RIPOR3: variants seen among roughly 807,000 people sequenced by gnomAD.
RIPOR3 encodes the protein family with sequence similarity 65 member C.
A neutral mutation model predicts 114.3 loss-of-function variants in RIPOR3; 95 were observed. That is an observed-to-expected ratio of 0.83 (90% confidence interval 0.70 to 0.99). RIPOR3 has a LOEUF of 0.99. RIPOR3 is among the 50% of genes least tolerant of loss of function. The pLI is 0.00. For synonymous variants in RIPOR3, 575 were observed against 543.8 expected (o/e 1.06, Z -0.80); for missense variants, 1,252 against 1,266.9 (o/e 0.99, Z 0.18).
intron 1 of RIPOR3, among the ~76,000 whole-genome samples, chr20:50,679,687 T>G (rs1267074861): frequency 6.7e-6 from 1 of 149,116 alleles, no homozygotes; most frequent in Non-Finnish European, 1.5e-5. Context: ...GAGAATCACT[T>G]GAACCTGGGA....
At chr20:50,606,524 G>C (rs996463968) in intron 11 of RIPOR3, among the ~76,000 whole-genome samples, 1 of 152,134 alleles carries the variant, frequency 6.6e-6, no homozygotes, top group Non-Finnish European at 1.5e-5. Context: ...TGTATGGATG[G>C]GCCGCTGGCG....
chr20:50,615,971 T>A (rs1367444460), intron 4 of RIPOR3, 31 bp downstream of exon 4: 4 of 1,586,968 alleles, frequency 2.5e-6, no homozygotes, highest in Non-Finnish European at 8.6e-7. Context: ...CAAGGCTATC[T>A]GGGTGGGAAG....
At chr20:50,604,566 G>C (rs1203654295) in intron 12 of RIPOR3, 79 bp downstream of exon 12, 1 of 1,484,856 alleles carries the variant, frequency 6.7e-7, no homozygotes, top group African/African-American at 1.5e-5. Flanking sequence ...GGGAGGGCCA[G>C]ACTGCTCAGC....
intron 1 of RIPOR3, among the ~76,000 whole-genome samples, chr20:50,676,811 C>CCAGGCTGGTTTCAAACT (rs71190590): frequency 0.82 from 112,036 of 137,176 alleles, 46,670 homozygotes; most frequent in East Asian, 0.95. Context: ...TTGCTTATAC[C>CCAGGCTGGTTTCAAACT]CAGGCTGGTT....
At chr20:50,601,469 G>A (rs536818522) in intron 13 of RIPOR3, among the ~76,000 whole-genome samples, 1 of 152,276 alleles carries the variant, frequency 6.6e-6, no homozygotes, top group African/African-American at 2.4e-5. Flanking sequence ...AAATAAAAGA[G>A]CGTGTTCAGG....
intron 1 of RIPOR3, among the ~76,000 whole-genome samples, chr20:50,640,459 CA>C (rs34202856): frequency 0.029 from 4,039 of 137,902 alleles, 143 homozygotes; most frequent in African/African-American, 0.096. Context: ...AACACACAAA[CA>C]AAAGACGCCT....
At chr20:50,610,963 CG>C in intron 5 of RIPOR3, 57 bp from the exon 6 acceptor site, 1 of 1,611,300 alleles carries the variant, frequency 6.2e-7, no homozygotes, top group Non-Finnish European at 8.5e-7. Context: ...CCACCTGCCC[CG>C]CTTGCCCCTG....
At chr20:50,621,186 G>C (rs1174231565) in intron 2 of RIPOR3, 1 of 340,446 alleles carries the variant, frequency 2.9e-6, no homozygotes, top group Non-Finnish European at 5.6e-6. Context: ...AAGAAATACA[G>C]TCAAGTAGCC....
chr20:50,681,092 TGCATGCCTGTAGTCCCA>T (rs939242199), intron 1 of RIPOR3, among the ~76,000 whole-genome samples: 10 of 151,592 alleles, frequency 6.6e-5, no homozygotes, highest in Non-Finnish European at 1.2e-4. Context: ...GGCGTGGTGG[TGCATGCCTGTAGTCCCA>T]GCTACTTGGG....
At chr20:50,684,148 A>AAT (rs1341731026) in intron 1 of RIPOR3, among the ~76,000 whole-genome samples, 1 of 152,092 alleles carries the variant, frequency 6.6e-6, no homozygotes, top group African/African-American at 2.4e-5. Flanking sequence ...AGAAAATAAG[A>AAT]ATATATATGT....
intron 21 of RIPOR3, 76 bp from the exon 22 acceptor site, chr20:50,587,408 C>G: frequency 7.7e-7 from 1 of 1,297,970 alleles, no homozygotes; most frequent in Non-Finnish European, 1.1e-6. Context: ...CAGGGTGGCC[C>G]TAGTGCTTAG....
At chr20:50,678,850 T>A (rs1280492431) in intron 1 of RIPOR3, among the ~76,000 whole-genome samples, 1 of 151,860 alleles carries the variant, frequency 6.6e-6, no homozygotes, top group Admixed American at 6.6e-5. Flanking sequence ...ATGCCTGTAA[T>A]CCCAGCACTT....
chr20:50,670,028 G>GT (rs397935862), intron 1 of RIPOR3, among the ~76,000 whole-genome samples: 1 of 150,930 alleles, frequency 6.6e-6, no homozygotes, highest in Non-Finnish European at 1.5e-5. Flanking sequence ...GTGGTGGCAG[G>GT]CGCCTGTAAT....
chr20:50,608,252 T>A, intron 11 of RIPOR3, 137 bp downstream of exon 11: 1 of 1,214,432 alleles, frequency 8.2e-7, no homozygotes, highest in Non-Finnish European at 1.1e-6. Context: ...GGGGTGGGAG[T>A]GAGGGACAGA....
chr20:50,669,493 A>C (rs1274212758), intron 1 of RIPOR3, among the ~76,000 whole-genome samples: 1 of 152,222 alleles, frequency 6.6e-6, no homozygotes, highest in Non-Finnish European at 1.5e-5. Context: ...GAATTTGTAC[A>C]GAAGGAATAA....
chr20:50,604,203 A>G (rs1601486147), intron 12 of RIPOR3, among the ~76,000 whole-genome samples: 1 of 150,734 alleles, frequency 6.6e-6, no homozygotes, highest in South Asian at 2.1e-4. Context: ...AAAAACAAAG[A>G]AAAAAAAAGG....
chr20:50,610,043 GCCTCCCCT>G (rs2083907876), intron 6 of RIPOR3, among the ~76,000 whole-genome samples: 2 of 87,302 alleles, frequency 2.3e-5, no homozygotes, highest in African/African-American at 4.5e-5. Context: ...TGCCACCCCT[GCCTCCCCT>G]GCCTCCCCTG....
chr20:50,674,141 G>A (rs2086615132), intron 1 of RIPOR3, among the ~76,000 whole-genome samples: 1 of 152,194 alleles, frequency 6.6e-6, no homozygotes, highest in Admixed American at 6.5e-5. Context: ...GGAAGGAGGT[G>A]TGGGCCAGGA....
At chr20:50,686,440 G>A (rs904781706) in intron 1 of RIPOR3, among the ~76,000 whole-genome samples, 1 of 151,916 alleles carries the variant, frequency 6.6e-6, no homozygotes, top group South Asian at 2.1e-4. Flanking sequence ...TTCCTACCTC[G>A]CAAAACAATA....
Sources: allele counts gnomAD v4.1 joint callset (sites outside exome capture counted in the v4.1 genomes callset), GRCh38; gene constraint gnomAD v4.1.1; transcripts MANE v1.5; gene names NCBI Gene and HGNC (gene_info 2026-07-23, HGNC 2026-07-21).